Variants in PLCG2 observed in about 807,000 individuals in gnomAD.
The protein encoded by PLCG2 is 1-phosphatidylinositol 4,5-bisphosphate phosphodiesterase gamma-2.
A neutral mutation model predicts 175.6 loss-of-function variants in PLCG2; 69 were observed. The ratio of observed to expected loss-of-function variants is 0.39; its 90% confidence interval spans 0.32 to 0.48. PLCG2 has a LOEUF of 0.48. Ranked by LOEUF, PLCG2 falls within the 20% of genes least tolerant of loss-of-function variation. The pLI, the probability that PLCG2 is intolerant of heterozygous loss-of-function variation, is 0.91. For synonymous variants in PLCG2, 827 were observed against 624.0 expected (o/e 1.33, Z -4.85); for missense variants, 1,798 against 1,650.9 (o/e 1.09, Z -1.54).
chr16:81,916,442 C>T (rs925916537), intron 19 of PLCG2, among the ~76,000 whole-genome samples: 8 of 151,886 alleles, frequency 5.3e-5, no homozygotes, highest in Non-Finnish European at 8.8e-5. Flanking sequence ...AGAAACGATG[C>T]CTCTAGATGC....
chr16:81,808,646 A>G (rs374918968), intron 2 of PLCG2, among the ~76,000 whole-genome samples: 67 of 152,202 alleles, frequency 4.4e-4, no homozygotes, highest in African/African-American at 1.5e-3. Flanking sequence ...GGTGCCCGCC[A>G]CCACGCCTGG....
At chr16:81,912,464 T>C in intron 18 of PLCG2, 133 bp from the exon 19 acceptor site, 1 of 1,063,964 alleles carries the variant, frequency 9.4e-7, no homozygotes, top group African/African-American at 1.6e-5. Context: ...GGAAGCCCAC[T>C]GTGTGATTTC....
intron 2 of PLCG2, among the ~76,000 whole-genome samples, chr16:81,847,702 C>G (rs1478389752): frequency 1.3e-5 from 2 of 152,164 alleles, no homozygotes; most frequent in African/African-American, 2.4e-5. Flanking sequence ...TGAACATGGA[C>G]AAACTTTTTT....
At chr16:81,880,845 C>G in intron 7 of PLCG2, 65 bp from the exon 8 acceptor site, 4 of 1,471,820 alleles carry the variant, frequency 2.7e-6, no homozygotes, top group Non-Finnish European at 3.8e-6. Flanking sequence ...CAACAAAAAT[C>G]TTTCCGTTTT....
intron 30 of PLCG2, among the ~76,000 whole-genome samples, chr16:81,942,657 G>C (rs547659050): frequency 1.1e-4 from 17 of 152,084 alleles, no homozygotes; most frequent in Non-Finnish European, 2.4e-4. Context: ...TGTGAAAGGG[G>C]TTTTATCTTT....
At chr16:81,892,229 C>T (rs1008882636) in intron 11 of PLCG2, among the ~76,000 whole-genome samples, 4 of 152,168 alleles carry the variant, frequency 2.6e-5, no homozygotes, top group African/African-American at 4.8e-5. Context: ...GCAGGTCCTG[C>T]TGGAGCAGGA....
At chr16:81,942,915 ATTATTTTTTTT>A (rs995182751) in intron 30 of PLCG2, among the ~76,000 whole-genome samples, 13 of 140,042 alleles carry the variant, frequency 9.3e-5, no homozygotes, top group Admixed American at 8.4e-4. Flanking sequence ...AAGAAAAACA[ATTATTTTTTTT>A]TTTTTTATAC....
At chr16:81,882,188 G>T (rs1476079157) in intron 8 of PLCG2, among the ~76,000 whole-genome samples, 5 of 152,210 alleles carry the variant, frequency 3.3e-5, no homozygotes, top group Non-Finnish European at 7.3e-5. Context: ...GCCCCGTGTA[G>T]CAGAATGTAC....
chr16:81,891,442 T>G, intron 10 of PLCG2, 30 bp from the exon 11 acceptor site: 1 of 1,192,810 alleles, frequency 8.4e-7, no homozygotes, highest in Non-Finnish European at 1.3e-6. Flanking sequence ...GTCAACGTGA[T>G]GATTCGGTCT....
Position 81,938,985 on chromosome 16 carries a change from C to T in PLCG2, c.3313+70C>T, listed in dbSNP as rs562807236. 204 of 856,884 alleles carry T rather than the reference C, an allele frequency of 2.4e-4. 3 individuals are homozygous for T. Among genetic ancestry groups the T allele is most frequent in the South Asian group, 1.8e-3 (126 of 69,286 alleles). 53.1% of individuals were successfully genotyped at this position (856,884 alleles called of 1,614,324 possible). A position where few individuals can be genotyped will look rare whatever the true frequency, so the allele number is the denominator to read the frequency against. ...GTGAATCCTTTGTGGGAGTGCTCTT[C>T]GTGGGGGATTTTGCAATGCTCTTTA... On this transcript the variant is annotated intron_variant, in intron 29 of 32. Transcript: ENST00000564138.
intron 30 of PLCG2, among the ~76,000 whole-genome samples, chr16:81,944,182 C>T (rs1911062286): frequency 6.6e-6 from 1 of 152,128 alleles, no homozygotes; most frequent in South Asian, 2.1e-4. Context: ...ATGTCTTTGT[C>T]ATACTTTGAA....
chr16:81,745,439 A>T (rs1476024022), intron 1 of PLCG2, among the ~76,000 whole-genome samples: 2 of 152,174 alleles, frequency 1.3e-5, no homozygotes, highest in Non-Finnish European at 2.9e-5. Flanking sequence ...TCATCCAAAC[A>T]ACGACTATAA....
chr16:81,785,896 C>A (rs1214287712), intron 1 of PLCG2, 47 bp from the exon 2 acceptor site: 8 of 1,171,028 alleles, frequency 6.8e-6, no homozygotes, highest in Non-Finnish European at 6.2e-6. Context: ...TTAACTAAAC[C>A]CCTTTCAGTA....
At chr16:81,801,893 C>G (rs1342474867) in intron 2 of PLCG2, among the ~76,000 whole-genome samples, 1 of 151,812 alleles carries the variant, frequency 6.6e-6, no homozygotes, top group Non-Finnish European at 1.5e-5. Context: ...GTTGGTCAGG[C>G]TGGTCTCGAA....
At chr16:81,937,584 G>T in intron 27 of PLCG2, 174 bp from the exon 28 acceptor site, 1 of 461,138 alleles carries the variant, frequency 2.2e-6, no homozygotes, top group Non-Finnish European at 3.8e-6. Flanking sequence ...TCCCCAGTCT[G>T]GGAGTTTGCT....
chr16:81,854,023 G>A (rs34402931), intron 2 of PLCG2, among the ~76,000 whole-genome samples: 18,708 of 152,074 alleles, frequency 0.12, 1,294 homozygotes, highest in South Asian at 0.18. Flanking sequence ...AGGTCATCAA[G>A]GTCAAGGTCA....
chr16:81,830,685 C>T (rs1905225634), intron 2 of PLCG2, among the ~76,000 whole-genome samples: 1 of 151,172 alleles, frequency 6.6e-6, no homozygotes, highest in Admixed American at 6.6e-5. Context: ...TATATACACA[C>T]ATATATTTTA....
At chr16:81,847,073 C>G (rs1257462074) in intron 2 of PLCG2, among the ~76,000 whole-genome samples, 1 of 152,212 alleles carries the variant, frequency 6.6e-6, no homozygotes, top group Admixed American at 6.5e-5. Flanking sequence ...AAGTTGTGGC[C>G]TATGCTTTTG....
chr16:81,786,115 C>T lies in PLCG2; in HGVS notation c.126C>T (p.Thr42=), dbSNP rs753972799. 1.2e-5 allele frequency: 19 copies of T among 1,614,056 alleles called. No homozygotes were observed. The highest frequency in any genetic ancestry group is 6.6e-5 in the South Asian group (6 of 91,084). The change falls in exon 2 of 33, where the codon ACC becomes ACT. Residue 42 remains threonine (T), a synonymous_variant. Coordinates refer to ENST00000564138, the MANE Select transcript of PLCG2 (RefSeq NM_002661.5). ...GCAAGTCCACCCCCGAGCGGAGAAC[C>T]GTCCAGGTGATCATGGAGACGCGGC... is the stretch of plus-strand genomic sequence containing the variant. The part of the protein sequence containing the change: ...SFRKSTPERR[T]VQVIMETRQV...
Sources: gnomAD v4.1 joint callset for allele counts (sites outside exome capture counted in the v4.1 genomes callset) on GRCh38, gnomAD v4.1.1 for gene constraint, MANE v1.5 for transcripts, NCBI Gene and HGNC (gene_info 2026-07-23, HGNC 2026-07-21) for gene names.